The following EXOSC7 variants were observed in gnomAD, a reference collection of about 807,000 sequenced individuals.
The protein encoded by EXOSC7 is exosome component 7.
Under a neutral mutation model 34.3 loss-of-function variants are expected in EXOSC7, and 25 were observed. That is an observed-to-expected ratio of 0.73 (90% CI 0.53 to 1.02). EXOSC7 has a LOEUF of 1.02. Ranked by LOEUF, EXOSC7 falls within the 50% of genes least tolerant of loss-of-function variation. The pLI is 0.00. For missense variants in EXOSC7, 370 were observed against 368.5 expected (o/e 1.00, Z -0.03); for synonymous variants, 130 against 143.0 (o/e 0.91, Z 0.65).
chr3:44,978,304 T>A (rs1706178413), intron 1 of EXOSC7, among the ~76,000 whole-genome samples: 1 of 151,082 alleles, frequency 6.6e-6, no homozygotes, highest in African/African-American at 2.4e-5. Flanking sequence ...AAAGAAATAA[T>A]TTTTTTTTAA....
chr3:45,001,781 T>C (rs867541498), intron 5 of EXOSC7, 173 bp downstream of exon 5: 3 of 583,428 alleles, frequency 5.1e-6, no homozygotes, highest in Non-Finnish European at 9.2e-6. Context: ...TTTCGTGAAT[T>C]AAAACTACAT....
chr3:45,005,537 T>G, intron 6 of EXOSC7, 123 bp downstream of exon 6: 1 of 910,516 alleles, frequency 1.1e-6, no homozygotes, highest in Non-Finnish European at 1.6e-6. Context: ...AGAAGTAGCT[T>G]TTACCCAAAT....
chr3:44,990,645 T>C (rs1030844385), intron 3 of EXOSC7, among the ~76,000 whole-genome samples: 2 of 152,220 alleles, frequency 1.3e-5, no homozygotes, highest in Admixed American at 1.3e-4. Context: ...CAGTAACTTA[T>C]TTGTGACATT....
chr3:45,003,346 CGTGCGTGTGTGTGTGTATGTGT>C (rs1299449026), intron 5 of EXOSC7, among the ~76,000 whole-genome samples: 2 of 27,126 alleles, frequency 7.4e-5, no homozygotes, highest in African/African-American at 2.5e-4. Context: ...TGCGTGCGTG[CGTGCGTGTGTGTGTGTATGTGT>C]GTGTGTAAAT....
At chr3:45,001,004 T>G (rs1057328618) in intron 4 of EXOSC7, among the ~76,000 whole-genome samples, 2 of 152,160 alleles carry the variant, frequency 1.3e-5, no homozygotes, top group African/African-American at 4.8e-5. Context: ...GCAGTGCCTG[T>G]AATTAGGGTG....
At chr3:45,010,258 T>G (rs1339281447) in intron 7 of EXOSC7, among the ~76,000 whole-genome samples, 5 of 152,190 alleles carry the variant, frequency 3.3e-5, no homozygotes, top group Non-Finnish European at 5.9e-5. Context: ...GGGTGGTGGT[T>G]GTTTTTTGAG....
intron 5 of EXOSC7, chr3:45,004,223 T>C (rs1191976038): frequency 6.6e-6 from 1 of 152,218 alleles, no homozygotes; most frequent in Non-Finnish European, 1.5e-5. Flanking sequence ...GCAGTGTATG[T>C]AAGAGTTCCG....
chr3:44,996,755 A>C (rs1706732127), intron 3 of EXOSC7, among the ~76,000 whole-genome samples: 1 of 152,124 alleles, frequency 6.6e-6, no homozygotes, highest in Non-Finnish European at 1.5e-5. Flanking sequence ...TATTTATTAT[A>C]CTCTGAAGAT....
downstream of EXOSC7, chr3:45,011,527 A>C (rs977034536): frequency 3.1e-5 from 15 of 479,502 alleles, no homozygotes; most frequent in Admixed American, 7.6e-5. Context: ...TCAGTGACCC[A>C]TCTGGGTCTG....
intron 4 of EXOSC7, among the ~76,000 whole-genome samples, chr3:45,001,216 G>T (rs112640500): frequency 2.8e-4 from 43 of 152,294 alleles, no homozygotes; most frequent in African/African-American, 1.0e-3. Context: ...ACTTTGGGAG[G>T]CTGAGGTAGG....
At chr3:44,998,719 A>G (rs1706795184) in intron 4 of EXOSC7, among the ~76,000 whole-genome samples, 1 of 152,236 alleles carries the variant, frequency 6.6e-6, no homozygotes, top group African/African-American at 2.4e-5. Context: ...TTGCAATGCT[A>G]CCACTAATAG....
chr3:44,979,434 A>G (rs1214213960), intron 1 of EXOSC7, among the ~76,000 whole-genome samples: 3 of 152,152 alleles, frequency 2.0e-5, no homozygotes, highest in Admixed American at 6.5e-5. Flanking sequence ...GGAATATTTC[A>G]TCTTGTTTTG....
rs1706016805 is a variant in EXOSC7, at chr3:44,976,347, G to C, written c.57+13G>C. 1 of 1,567,336 alleles carries C rather than the reference G, an allele frequency of 6.4e-7. No individual in the cohort carries two copies. ...GCATGGCGTCCAGGTAGCTACAGCA[G>C]CGGCGTTGGGTCGGCCGCCGGGTTC... On this transcript the variant is annotated intron_variant, in intron 1 of 7. Coordinates refer to ENST00000265564, the MANE Select transcript of EXOSC7 (RefSeq NM_015004.4).
intron 1 of EXOSC7, among the ~76,000 whole-genome samples, chr3:44,981,047 T>C (rs1343214657): frequency 6.6e-6 from 1 of 152,188 alleles, no homozygotes; most frequent in Non-Finnish European, 1.5e-5. Context: ...TCTGAAGCCT[T>C]GAAGTGCATT....
intron 4 of EXOSC7, among the ~76,000 whole-genome samples, chr3:45,000,637 T>C (rs1183309822): frequency 6.6e-6 from 1 of 152,242 alleles, no homozygotes; most frequent in Non-Finnish European, 1.5e-5. Context: ...TTATAAGTAA[T>C]GTAAAACATG....
rs372040667 is a variant in EXOSC7, at chr3:45,009,472, A to G, written c.772-1763A>G. Among the ~76,000 whole-genome samples, 80 of 152,046 alleles carry G rather than the reference A, an allele frequency of 5.3e-4. 2 individuals are homozygous for G. In the South Asian group the frequency reaches 0.016, roughly 31 times the overall value. On this transcript the variant is annotated intron_variant, in intron 7 of 7. Transcript: ENST00000265564. ...TTGTCCTCTCTCCCCACCCTCATGTATATGAATAATCAGTACCCCTGTTTG... is the reference window on the plus strand; with the variant it reads ...TTGTCCTCTCTCCCCACCCTCATGTGTATGAATAATCAGTACCCCTGTTTG...
chr3:44,988,513 A>G (rs530162662), intron 1 of EXOSC7, among the ~76,000 whole-genome samples: 57 of 152,344 alleles, frequency 3.7e-4, no homozygotes, highest in African/African-American at 1.3e-3. Context: ...CTCTGGCCCA[A>G]CCACTCAGCT....
At chr3:44,979,713 C>T (rs1268272799) in intron 1 of EXOSC7, among the ~76,000 whole-genome samples, 1 of 152,176 alleles carries the variant, frequency 6.6e-6, no homozygotes, top group East Asian at 1.9e-4. Flanking sequence ...CATTCCTTCT[C>T]GTTCAGTTCT....
intron 1 of EXOSC7, among the ~76,000 whole-genome samples, chr3:44,982,143 G>A (rs1706287770): frequency 6.6e-6 from 1 of 152,042 alleles, no homozygotes; most frequent in Non-Finnish European, 1.5e-5. Context: ...GGCCTCTCTG[G>A]GCTCCTCCAT....
Sources: gnomAD v4.1 joint callset for allele counts (sites outside exome capture counted in the v4.1 genomes callset) on GRCh38, gnomAD v4.1.1 for gene constraint, MANE v1.5 for transcripts, NCBI Gene and HGNC (gene_info 2026-07-23, HGNC 2026-07-21) for gene names.